ZNF385D: variants seen among roughly 807,000 people sequenced by gnomAD.
The protein encoded by ZNF385D is zinc finger protein 385D.
A neutral mutation model predicts 35.8 loss-of-function variants in ZNF385D; 15 were observed. The ratio of observed to expected loss-of-function variants is 0.42; its 90% confidence interval spans 0.28 to 0.64. ZNF385D has a LOEUF of 0.64. Ranked by LOEUF, ZNF385D falls within the 30% of genes least tolerant of loss-of-function variation. The pLI, the probability that ZNF385D is intolerant of heterozygous loss-of-function variation, is 0.23. For synonymous variants in ZNF385D, 212 were observed against 186.8 expected (o/e 1.13, Z -1.10); for missense variants, 474 against 494.6 (o/e 0.96, Z 0.39).
At chr3:22,335,846 A>G (rs1695137122) in intron 2 of ZNF385D, among the ~76,000 whole-genome samples, 1 of 152,128 alleles carries the variant, frequency 6.6e-6, no homozygotes, top group Admixed American at 6.5e-5. Flanking sequence ...TAGGTAGTCT[A>G]TATGTGATAG....
At chr3:21,867,799 A>G (rs1165672110) in intron 3 of ZNF385D, among the ~76,000 whole-genome samples, 2 of 152,024 alleles carry the variant, frequency 1.3e-5, no homozygotes, top group African/African-American at 4.8e-5. Context: ...CTTAAGCCAG[A>G]GCTGTCCAAC....
chr3:21,468,823 G>A lies in ZNF385D; in HGVS notation c.440-31620C>T, dbSNP rs148325901. On this transcript the variant is annotated intron_variant, in intron 4 of 7. Coordinates refer to ENST00000281523, the MANE Select transcript of ZNF385D (RefSeq NM_024697.3). Reference sequence around the variant, plus strand: ...CATAGTCTGTAGTCCCAGCTACTCGGGAGACTGAGGCAGGGTAATCGCTTG... The same window carrying A: ...CATAGTCTGTAGTCCCAGCTACTCGAGAGACTGAGGCAGGGTAATCGCTTG... Among the ~76,000 whole-genome samples the A allele has an allele frequency of 2.0e-3, 298 of 152,188 alleles. 1 individual carries two copies. The highest frequency in any genetic ancestry group is 6.8e-3 in the African/African-American group (283 of 41,534).
chr3:21,441,827 C>T (rs1437434459), intron 4 of ZNF385D: 1 of 653,826 alleles, frequency 1.5e-6, no homozygotes, highest in African/African-American at 2.0e-5. Flanking sequence ...CACTACTCTA[C>T]CAAAGACTCT....
intron 2 of ZNF385D, among the ~76,000 whole-genome samples, chr3:22,304,721 A>G (rs557015264): frequency 6.6e-6 from 1 of 152,160 alleles, no homozygotes; most frequent in East Asian, 1.9e-4. Context: ...TGGCTAAAAT[A>G]TTTTTGTTGC....
At position 21,670,650 on chromosome 3, in the gene ZNF385D, GCCCCCCCCCCCCC is replaced by G. The variant is rs199660410; in HGVS notation, c.23-5635_23-5623del. ...AGAAATAAAAATGAAATCCTAAGGC[GCCCCCCCCCCCCC>G]CCCCCCCCCCAATGACTGAACGAAT... On this transcript the variant is annotated intron_variant, in intron 1 of 7. Transcript: ENST00000281523. Among the ~76,000 whole-genome samples the G allele has an allele frequency of 3.2e-3, 13 of 4,042 alleles. 1 individual carries two copies. Among genetic ancestry groups the G allele is most frequent in the African/African-American group, 6.4e-3 (6 of 938 alleles). 2.7% of individuals were successfully genotyped at this position (4,042 alleles called of 152,430 possible). A position where few individuals can be genotyped will look rare whatever the true frequency, so the allele number is the denominator to read the frequency against.
intron 3 of ZNF385D, among the ~76,000 whole-genome samples, chr3:21,881,771 A>T (rs1698288928): frequency 6.6e-6 from 1 of 152,024 alleles, no homozygotes; most frequent in Admixed American, 6.6e-5. Flanking sequence ...AGATGCCATT[A>T]AGCATATTCA....
At chr3:22,211,015 T>G (rs1205257527) in intron 2 of ZNF385D, among the ~76,000 whole-genome samples, 1 of 151,948 alleles carries the variant, frequency 6.6e-6, no homozygotes. Context: ...GATCCTTTGG[T>G]GAGTTGTTCT....
At chr3:21,651,984 G>A (rs929476123) in intron 2 of ZNF385D, among the ~76,000 whole-genome samples, 1 of 152,128 alleles carries the variant, frequency 6.6e-6, no homozygotes, top group African/African-American at 2.4e-5. Flanking sequence ...GAAACTTGAT[G>A]CCAGTTAGAA....
chr3:21,930,828 T>C (rs923577243), intron 3 of ZNF385D, among the ~76,000 whole-genome samples: 3 of 152,184 alleles, frequency 2.0e-5, no homozygotes, highest in Admixed American at 6.5e-5. Context: ...TAAAAACTTA[T>C]TGAAGACCAA....
At chr3:21,541,675 G>T (rs1410917060) in intron 3 of ZNF385D, among the ~76,000 whole-genome samples, 1 of 152,146 alleles carries the variant, frequency 6.6e-6, no homozygotes, top group Non-Finnish European at 1.5e-5. Context: ...GATTATTTAT[G>T]ATATGCTGAA....
At chr3:22,322,930 C>T (rs1575117586) in intron 2 of ZNF385D, among the ~76,000 whole-genome samples, 3 of 152,290 alleles carry the variant, frequency 2.0e-5, no homozygotes, top group Admixed American at 2.0e-4. Flanking sequence ...GTTCTGTTCT[C>T]TTTCTCATTG....
chr3:22,252,048 G>A (rs1229712843), intron 2 of ZNF385D, among the ~76,000 whole-genome samples: 3 of 152,032 alleles, frequency 2.0e-5, no homozygotes, highest in Non-Finnish European at 2.9e-5. Context: ...AATTCAAATC[G>A]ATACATAAGA....
intron 4 of ZNF385D, among the ~76,000 whole-genome samples, chr3:21,506,375 A>G (rs1706780923): frequency 3.3e-5 from 5 of 152,198 alleles, no homozygotes; most frequent in Admixed American, 2.6e-4. Flanking sequence ...TGCAAAAGCC[A>G]CTAGGATTTT....
At chr3:21,581,463 T>A (rs750921580) in intron 2 of ZNF385D, among the ~76,000 whole-genome samples, 3 of 152,124 alleles carry the variant, frequency 2.0e-5, no homozygotes, top group Non-Finnish European at 2.9e-5. Context: ...CTCCCCAACC[T>A]AAATTGCAAA....
chr3:22,166,120 C>G (rs1440435080), intron 3 of ZNF385D, among the ~76,000 whole-genome samples: 2 of 152,076 alleles, frequency 1.3e-5, no homozygotes, highest in Non-Finnish European at 2.9e-5. Flanking sequence ...AATTTCAGAC[C>G]AAACCAATAT....
At chr3:22,297,723 T>G (rs1051966708) in intron 2 of ZNF385D, among the ~76,000 whole-genome samples, 3 of 152,060 alleles carry the variant, frequency 2.0e-5, no homozygotes, top group African/African-American at 7.2e-5. Context: ...GATTCATAAC[T>G]GGGAATTTTC....
rs369049482 is a variant in ZNF385D at position 21,824,582 on chromosome 3, C to A, written c.326-159554G>T. Among the ~76,000 whole-genome samples the A allele has an allele frequency of 5.0e-4, 76 of 152,000 alleles. 1 individual carries two copies. In the South Asian group the frequency reaches 0.014, roughly 29 times the overall value. On this transcript the variant is annotated intron_variant, in intron 3 of 5. Transcript: ENST00000494108. ...ATCATATATCAAAAACTTCATATAT[C>A]TAGTTTTATTTGTACAGTTACGTGG...
chr3:21,693,003 C>T (rs911786544), intron 1 of ZNF385D, among the ~76,000 whole-genome samples: 5 of 152,056 alleles, frequency 3.3e-5, no homozygotes, highest in African/African-American at 1.2e-4. Flanking sequence ...ATTGTGAGTT[C>T]CTAATAACCT....
chr3:21,653,709 C>G (rs1022975790), intron 2 of ZNF385D, among the ~76,000 whole-genome samples: 35 of 151,612 alleles, frequency 2.3e-4, no homozygotes, highest in Middle Eastern at 3.4e-3. Flanking sequence ...TAAGGTGATT[C>G]TAAAAATCAA....
Sources: allele counts gnomAD v4.1 joint callset (sites outside exome capture counted in the v4.1 genomes callset), GRCh38; gene constraint gnomAD v4.1.1; transcripts MANE v1.5; gene names NCBI Gene and HGNC (gene_info 2026-07-23, HGNC 2026-07-21).